The following PDE3A variants were observed in gnomAD, a reference collection of about 807,000 sequenced individuals.
The protein encoded by PDE3A is cGMP-inhibited 3',5'-cyclic phosphodiesterase 3A.
A neutral mutation model predicts 98.3 loss-of-function variants in PDE3A; 43 were observed. The ratio of observed to expected loss-of-function variants is 0.44; its 90% confidence interval spans 0.34 to 0.56. The LOEUF (loss-of-function observed/expected upper bound fraction) is 0.56, where lower values mean the gene tolerates loss of function less well. Among genes scored for constraint, PDE3A ranks in the 20% least tolerant of loss-of-function variants. The pLI is 0.01. For synonymous variants in PDE3A, 663 were observed against 567.9 expected (o/e 1.17, Z -2.38); for missense variants, 1,427 against 1,440.7 (o/e 0.99, Z 0.15).
chr12:20,564,686 C>A (rs1047763958), intron 2 of PDE3A, among the ~76,000 whole-genome samples: 3 of 152,112 alleles, frequency 2.0e-5, no homozygotes, highest in Non-Finnish European at 4.4e-5. Flanking sequence ...AGGCCCTGGT[C>A]TCTTAAAAGA....
At chr12:20,392,593 G>C (rs1289393456) in intron 1 of PDE3A, among the ~76,000 whole-genome samples, 1 of 151,624 alleles carries the variant, frequency 6.6e-6, no homozygotes, top group Non-Finnish European at 1.5e-5. Flanking sequence ...CAGTATGGAG[G>C]TTCCTCAAAA....
intron 1 of PDE3A, among the ~76,000 whole-genome samples, chr12:20,477,758 G>A (rs911458381): frequency 1.3e-5 from 2 of 152,152 alleles, no homozygotes; most frequent in African/African-American, 4.8e-5. Flanking sequence ...TGTTAGCCTT[G>A]AGAGTGAGAC....
intron 15 of PDE3A, among the ~76,000 whole-genome samples, chr12:20,670,397 T>G (rs1945440817): frequency 6.6e-6 from 1 of 151,586 alleles, no homozygotes; most frequent in South Asian, 2.1e-4. Flanking sequence ...GAATATACAT[T>G]TTTTTCAGCA....
intron 1 of PDE3A, among the ~76,000 whole-genome samples, chr12:20,553,705 G>T (rs1592051136): frequency 1.3e-5 from 2 of 152,254 alleles, no homozygotes; most frequent in African/African-American, 4.8e-5. Context: ...TCCGCTCCAC[G>T]TGGGGCCAGG....
intron 1 of PDE3A, among the ~76,000 whole-genome samples, chr12:20,389,922 T>G (rs1301708594): frequency 6.6e-6 from 1 of 151,394 alleles, no homozygotes; most frequent in Non-Finnish European, 1.5e-5. Flanking sequence ...CAGTACAATA[T>G]AAAGAATGTA....
rs1945768720 is a variant in PDE3A, at chr12:20,681,027, G to A, written c.*756G>A. 6.6e-6 allele frequency: 1 copy of A among 152,056 alleles called. No homozygotes were observed. The highest frequency in any genetic ancestry group is 6.6e-5 in the Admixed American group (1 of 15,258). 9.4% of individuals were successfully genotyped at this position (152,056 alleles called of 1,614,324 possible). On this transcript the variant is annotated 3_prime_UTR_variant, in exon 16 of 16. Coordinates refer to ENST00000359062, the MANE Select transcript of PDE3A (RefSeq NM_000921.5). ...GGAAGTTCACTCTGGAGTGTCTTTG[G>A]GAGGCAGCCATTCCAAATGCCCTCC...
At chr12:20,655,950 C>G (rs1210451458) in intron 15 of PDE3A, among the ~76,000 whole-genome samples, 1 of 152,168 alleles carries the variant, frequency 6.6e-6, no homozygotes, top group East Asian at 1.9e-4. Context: ...TGGAGTGCAT[C>G]ATGTGGCCAA....
At chr12:20,503,139 A>G (rs1267473073) in intron 1 of PDE3A, among the ~76,000 whole-genome samples, 2 of 152,054 alleles carry the variant, frequency 1.3e-5, no homozygotes, top group African/African-American at 4.8e-5. Context: ...ATGATTTTCT[A>G]TAGTACCACG....
At chr12:20,506,765 G>C (rs1183472741) in intron 1 of PDE3A, among the ~76,000 whole-genome samples, 2 of 151,974 alleles carry the variant, frequency 1.3e-5, no homozygotes, top group South Asian at 4.1e-4. Context: ...TGGTAAGAGA[G>C]AGAATTCTAT....
At chr12:20,662,090 T>C (rs1439066095) in intron 15 of PDE3A, among the ~76,000 whole-genome samples, 1 of 151,488 alleles carries the variant, frequency 6.6e-6, no homozygotes, top group Non-Finnish European at 1.5e-5. Context: ...TCCACCATGC[T>C]TGTCAGGTCT....
At chr12:20,668,790 A>G (rs7489308) in intron 15 of PDE3A, among the ~76,000 whole-genome samples, 102,181 of 150,640 alleles carry the variant, frequency 0.68, 34,964 homozygotes, top group East Asian at 0.8. Context: ...AAAGCAGAGC[A>G]CCAATCCTCC....
chr12:20,590,912 A>G (rs1293540479), intron 2 of PDE3A, among the ~76,000 whole-genome samples: 1 of 152,212 alleles, frequency 6.6e-6, no homozygotes, highest in Non-Finnish European at 1.5e-5. Context: ...CTGTAATGAT[A>G]ATAGCATTGT....
chr12:20,676,936 T>G (rs1044050873), intron 15 of PDE3A, among the ~76,000 whole-genome samples: 1 of 152,226 alleles, frequency 6.6e-6, no homozygotes, highest in Non-Finnish European at 1.5e-5. Flanking sequence ...TCACCTATAA[T>G]TTTGTTAAAC....
At chr12:20,532,700 T>G (rs1332028795) in intron 1 of PDE3A, among the ~76,000 whole-genome samples, 1 of 150,522 alleles carries the variant, frequency 6.6e-6, no homozygotes. Flanking sequence ...TTTTTTTTTT[T>G]TTTTTTGAGA....
intron 1 of PDE3A, among the ~76,000 whole-genome samples, chr12:20,394,167 G>A (rs1943966633): frequency 6.6e-6 from 1 of 151,994 alleles, no homozygotes. Flanking sequence ...CTTGCAAGAG[G>A]CAATATTTGA....
intron 1 of PDE3A, among the ~76,000 whole-genome samples, chr12:20,530,834 A>G (rs1946612573): frequency 6.6e-6 from 1 of 152,194 alleles, no homozygotes; most frequent in Admixed American, 6.5e-5. Context: ...CTTTTTGTAG[A>G]AATTAATCAT....
chr12:20,648,019 T>TA (rs947667803), intron 12 of PDE3A, among the ~76,000 whole-genome samples: 20 of 151,060 alleles, frequency 1.3e-4, no homozygotes, highest in East Asian at 5.8e-4. Context: ...CTTCCCTTTT[T>TA]AAAAAAAAAT....
At chr12:20,476,277 C>A (rs1431339478) in intron 1 of PDE3A, among the ~76,000 whole-genome samples, 2 of 152,116 alleles carry the variant, frequency 1.3e-5, no homozygotes, top group Non-Finnish European at 2.9e-5. Flanking sequence ...TGGGAAAAAT[C>A]AATGCCTTGG....
chr12:20,601,791 A>AAAC (rs920530180), intron 2 of PDE3A, among the ~76,000 whole-genome samples: 3 of 152,050 alleles, frequency 2.0e-5, no homozygotes, highest in East Asian at 1.9e-4. Flanking sequence ...CTGTGAAAAA[A>AAAC]AACTAAATTC....
Sources: gnomAD v4.1 joint callset for allele counts (sites outside exome capture counted in the v4.1 genomes callset) on GRCh38, gnomAD v4.1.1 for gene constraint, MANE v1.5 for transcripts, NCBI Gene and HGNC (gene_info 2026-07-23, HGNC 2026-07-21) for gene names.